LRP1B: variants seen among roughly 807,000 people sequenced by gnomAD.
LRP1B encodes the protein LDL receptor related protein 1B.
In LRP1B, 217 loss-of-function variants were observed where a neutral mutation model predicts 556.6. The observed-to-expected ratio is 0.39, with a 90% CI of 0.35 to 0.44. The LOEUF (loss-of-function observed/expected upper bound fraction) is 0.44, where lower values mean the gene tolerates loss of function less well. LRP1B is among the 20% of genes least tolerant of loss of function. LRP1B has a pLI of 1.00. For synonymous variants in LRP1B, 2,047 were observed against 1,865.8 expected (o/e 1.10, Z -2.50); for missense variants, 5,053 against 5,620.8 (o/e 0.90, Z 3.23).
At chr2:140,808,201 T>C (rs1310273668) in intron 32 of LRP1B, among the ~76,000 whole-genome samples, 1 of 61,468 alleles carries the variant, frequency 1.6e-5, no homozygotes, top group Non-Finnish European at 4.9e-5. Context: ...ACAGTCCTCA[T>C]TAAACAGTCA....
intron 15 of LRP1B, among the ~76,000 whole-genome samples, chr2:141,001,514 C>A (rs920246416): frequency 6.6e-6 from 1 of 152,078 alleles, no homozygotes; most frequent in Non-Finnish European, 1.5e-5. Context: ...GTTCCCCACC[C>A]TGTGTCCAAG....
chr2:140,891,487 T>G (rs1205862431), intron 23 of LRP1B, among the ~76,000 whole-genome samples: 2 of 152,202 alleles, frequency 1.3e-5, no homozygotes, highest in Admixed American at 1.3e-4. Context: ...TTTTCTCTCC[T>G]GCTACTTCGG....
At position 142,022,128 on chromosome 2, in the gene LRP1B, T is replaced by C. The variant is rs1156589673; in HGVS notation, c.82+108520A>G. 3.3e-5 allele frequency among the ~76,000 whole-genome samples: 5 copies of C among 152,120 alleles called. 1 individual carries two copies. Among genetic ancestry groups the C allele is most frequent in the Non-Finnish European group, 7.4e-5 (5 of 68,012 alleles). On this transcript the variant is annotated intron_variant, in intron 1 of 90. Coordinates refer to ENST00000389484, the MANE Select transcript of LRP1B (RefSeq NM_018557.3). ...ATTTTGATTATTATTTTTATAGGAATATAATGAGAGTTCACTAGGCAGTTC... is the reference window on the plus strand; with the variant it reads ...ATTTTGATTATTATTTTTATAGGAACATAATGAGAGTTCACTAGGCAGTTC...
intron 7 of LRP1B, among the ~76,000 whole-genome samples, chr2:141,068,107 C>T (rs544350575): frequency 6.6e-6 from 1 of 152,004 alleles, no homozygotes; most frequent in South Asian, 2.1e-4. Flanking sequence ...TGACTAACCG[C>T]CCATATTATT....
At chr2:141,648,055 T>C (rs1439802444) in intron 2 of LRP1B, among the ~76,000 whole-genome samples, 1 of 152,132 alleles carries the variant, frequency 6.6e-6, no homozygotes, top group Non-Finnish European at 1.5e-5. Flanking sequence ...TGTCTCTCAC[T>C]TGGAAGATGT....
rs921446176 is a variant in LRP1B, at chr2:141,206,409, G to A, written c.851-17826C>T. Among the ~76,000 whole-genome samples the A allele has an allele frequency of 6.6e-5, 10 of 150,890 alleles. 1 individual carries two copies. The highest frequency in any genetic ancestry group is 4.0e-4 in the East Asian group (2 of 5,014). The stretch of plus-strand genomic sequence containing the variant: ...ATCCTGGCTAACACGGTGAAACCCC[G>A]TCTCTACTAAAAATGCAAAAAAAAA... On this transcript the variant is annotated intron_variant, in intron 6 of 90. Transcript: ENST00000389484.
intron 7 of LRP1B, among the ~76,000 whole-genome samples, chr2:141,125,853 A>AAAAAC (rs1553463691): frequency 6.8e-6 from 1 of 147,648 alleles, no homozygotes; most frequent in African/African-American, 2.6e-5. Flanking sequence ...GCAAAAAAAA[A>AAAAAC]AAAAAAAACA....
At chr2:140,583,506 T>C (rs1208257058) in intron 43 of LRP1B, among the ~76,000 whole-genome samples, 1 of 152,060 alleles carries the variant, frequency 6.6e-6, no homozygotes, top group Non-Finnish European at 1.5e-5. Flanking sequence ...TAAAACTATT[T>C]AGTTTTTCTT....
At chr2:141,804,681 T>C in intron 2 of LRP1B, among the ~76,000 whole-genome samples, 1 of 151,940 alleles carries the variant, frequency 6.6e-6, no homozygotes, top group East Asian at 1.9e-4. Context: ...CAAGGTAAGA[T>C]GCATCATTGG....
chr2:140,536,716 G>GA lies in LRP1B; in HGVS notation c.7514-8dup, dbSNP rs748331070. On this transcript the variant is annotated splice_region_variant and splice_polypyrimidine_tract_variant and intron_variant, in intron 45 of 90. Transcript: ENST00000389484. ...TTGCAGGAGGAATTTTTAGCTGCAA[G>GA]AAAAAAAAAAAAAGTCAATACTTTT... 122,809 of 1,074,212 alleles carry GA rather than the reference G, an allele frequency of 0.11. 106 individuals carry two copies. The highest frequency in any genetic ancestry group is 0.12 in the Non-Finnish European group (96,951 of 780,172). 66.5% of individuals were successfully genotyped at this position (1,074,212 alleles called of 1,614,324 possible). A position where few individuals can be genotyped will look rare whatever the true frequency, so the allele number is the denominator to read the frequency against.
At chr2:141,815,934 G>A (rs894242966) in intron 1 of LRP1B, among the ~76,000 whole-genome samples, 28 of 152,228 alleles carry the variant, frequency 1.8e-4, no homozygotes, top group African/African-American at 6.5e-4. Context: ...AGTAAAGGGT[G>A]GTAAAGGTTT....
At chr2:140,951,427 T>C (rs1695711486) in intron 19 of LRP1B, among the ~76,000 whole-genome samples, 2 of 152,246 alleles carry the variant, frequency 1.3e-5, no homozygotes, top group Admixed American at 6.5e-5. Flanking sequence ...AGCATAGTAA[T>C]ACAATTGAAT....
At chr2:141,639,424 T>TA (rs1335629124) in intron 2 of LRP1B, among the ~76,000 whole-genome samples, 44,605 of 119,922 alleles carry the variant, frequency 0.37, 10,037 homozygotes, top group Non-Finnish European at 0.46. Context: ...ATATATATAT[T>TA]TTTTTTTGAG....
intron 2 of LRP1B, among the ~76,000 whole-genome samples, chr2:141,777,416 ATTTC>A (rs1377674479): frequency 6.6e-6 from 1 of 151,974 alleles, no homozygotes; most frequent in Non-Finnish European, 1.5e-5. Flanking sequence ...TTTTAAATGT[ATTTC>A]TTTATTTTTT....
chr2:141,682,397 AC>A (rs909407777), intron 2 of LRP1B, among the ~76,000 whole-genome samples: 4 of 152,090 alleles, frequency 2.6e-5, no homozygotes, highest in Admixed American at 2.0e-4. Flanking sequence ...TTTTATAATT[AC>A]CCCATTAATA....
At chr2:141,741,291 T>C (rs1693694065) in intron 2 of LRP1B, among the ~76,000 whole-genome samples, 1 of 146,288 alleles carries the variant, frequency 6.8e-6, no homozygotes. Context: ...TTTTTTTTTT[T>C]TTAGTATATA....
intron 3 of LRP1B, among the ~76,000 whole-genome samples, chr2:141,419,002 A>G (rs1433141749): frequency 6.6e-6 from 1 of 151,886 alleles, no homozygotes; most frequent in Non-Finnish European, 1.5e-5. Flanking sequence ...CAATTTTCTT[A>G]TTGAATATTA....
chr2:142,050,290 A>G (rs1366395911), intron 1 of LRP1B, among the ~76,000 whole-genome samples: 1 of 152,024 alleles, frequency 6.6e-6, no homozygotes, highest in Non-Finnish European at 1.5e-5. Flanking sequence ...AAGTAACAAA[A>G]TAAATCTTAA....
intron 1 of LRP1B, among the ~76,000 whole-genome samples, chr2:142,009,989 TCTTTATATAG>T (rs1445256312): frequency 3.3e-5 from 5 of 152,130 alleles, no homozygotes; most frequent in African/African-American, 1.2e-4. Flanking sequence ...TGTGTATATC[TCTTTATATAG>T]ATATAGGTAT....
Sources: allele counts gnomAD v4.1 joint callset (sites outside exome capture counted in the v4.1 genomes callset), GRCh38; gene constraint gnomAD v4.1.1; transcripts MANE v1.5; gene names NCBI Gene and HGNC (gene_info 2026-07-23, HGNC 2026-07-21).